NR2C1: variants seen among roughly 807,000 people sequenced by gnomAD.
The protein encoded by NR2C1 is TR2 nuclear hormone receptor.
A neutral mutation model predicts 74.8 loss-of-function variants in NR2C1; 33 were observed. That is an observed-to-expected ratio of 0.44 (90% CI 0.33 to 0.59). The LOEUF (loss-of-function observed/expected upper bound fraction) is 0.59. Ranked by LOEUF, NR2C1 falls within the 20% of genes least tolerant of loss-of-function variation. The pLI is 0.02. For missense variants in NR2C1, 568 were observed against 715.6 expected (o/e 0.79, Z 2.35); for synonymous variants, 225 against 240.6 (o/e 0.94, Z 0.60).
At chr12:95,048,090 T>C (rs1872530971) in intron 9 of NR2C1, among the ~76,000 whole-genome samples, 1 of 152,202 alleles carries the variant, frequency 6.6e-6, no homozygotes, top group Non-Finnish European at 1.5e-5. Flanking sequence ...AATTTTATTA[T>C]GTAATTTTAA....
chr12:95,064,024 T>TCA (rs1875229530), intron 2 of NR2C1, among the ~76,000 whole-genome samples: 1 of 34,018 alleles, frequency 2.9e-5, no homozygotes, highest in Non-Finnish European at 6.2e-5. Flanking sequence ...GGACTCTGCC[T>TCA]CAAAAAAAAA....
At chr12:95,050,071 G>C (rs1015217065) in intron 8 of NR2C1, among the ~76,000 whole-genome samples, 2 of 152,148 alleles carry the variant, frequency 1.3e-5, no homozygotes, top group Admixed American at 6.6e-5. Context: ...AAAGTGCTGA[G>C]ATTACAGGCA....
In NR2C1 at chr12:95,058,386, A is replaced by G. The variant is rs764119426; in HGVS notation, c.468T>C (p.Ile156=). Residue 156 remains isoleucine, a synonymous_variant, in exon 5 of 14, where the codon ATT becomes ATC. Transcript: ENST00000333003. ...AGCGGTTTCGGTGGTGCTTATTAAT[A>G]ATACAATCCTTTGATCCTCGACATG... The part of the protein sequence containing the change: ...VYSCRGSKDC[I]INKHHRNRCQ... 6.2e-7 allele frequency: 1 copy of G among 1,613,858 alleles called. No homozygotes were observed. The highest frequency in any genetic ancestry group is 1.1e-5 in the South Asian group (1 of 91,070).
intron 7 of NR2C1, among the ~76,000 whole-genome samples, chr12:95,055,794 A>C (rs2252556): frequency 0.12 from 17,715 of 151,768 alleles, 1,397 homozygotes; most frequent in Non-Finnish European, 0.18. Context: ...TCTACTAAAA[A>C]TACAAAAAAT....
chr12:95,052,506 G>A (rs143620534), intron 7 of NR2C1, among the ~76,000 whole-genome samples: 1 of 152,198 alleles, frequency 6.6e-6, no homozygotes, highest in Non-Finnish European at 1.5e-5. Flanking sequence ...ACCCAGACTG[G>A]AGTACAGTGG....
Position 95,064,025 on chromosome 12 carries a change from CAAAAAAAAAAAA to C in NR2C1, c.55-1299_55-1288del, listed in dbSNP as rs36124945. On this transcript the variant is annotated intron_variant, in intron 2 of 13. Coordinates refer to ENST00000333003, the MANE Select transcript of NR2C1 (RefSeq NM_003297.4). The stretch of plus-strand genomic sequence containing the variant: ...GCCTGGGCGACAGAGGACTCTGCCT[CAAAAAAAAAAAA>C]AAAAAAAAGGGGATGGACACAGTGG... Among the ~76,000 whole-genome samples the C allele has an allele frequency of 1.6e-3, 113 of 69,492 alleles. 1 individual carries two copies. The highest frequency in any genetic ancestry group is 6.7e-3 in the African/African-American group (109 of 16,228). The allele number at this position is 69,492 out of a possible 152,430, so 45.6% of individuals were successfully genotyped here. A position where few individuals can be genotyped will look rare whatever the true frequency, so the allele number is the denominator to read the frequency against.
chr12:95,045,325 C>T (rs186191458), intron 9 of NR2C1, among the ~76,000 whole-genome samples: 5 of 152,178 alleles, frequency 3.3e-5, no homozygotes, highest in Admixed American at 1.3e-4. Context: ...TTATAGAGAC[C>T]GGACTTAATT....
At chr12:95,045,104 A>C (rs186371260) in intron 9 of NR2C1, among the ~76,000 whole-genome samples, 25 of 152,224 alleles carry the variant, frequency 1.6e-4, no homozygotes, top group Admixed American at 1.6e-3. Flanking sequence ...TTTGTTAATC[A>C]CTTCGCCTAA....
At position 95,051,828 on chromosome 12, in the gene NR2C1, C is replaced by T; in HGVS notation, c.899G>A (p.Ser300Asn). 6.2e-7 allele frequency: 1 copy of T among 1,610,754 alleles called. No homozygotes were observed. Among genetic ancestry groups the T allele is most frequent in the Non-Finnish European group, 8.5e-7 (1 of 1,179,276 alleles). ...QNSNEMSMIE[S>N]LSNDDTSLCE... ...CAAAGAGGTATCATCATTGCTTAAG[C>T]TTTCAATCATAGACATTTCATTACT... Residue 300 changes from serine to asparagine, a missense_variant, in exon 8 of 14, where the codon AGC becomes AAC. Physicochemically the swap from Ser to Asn is conservative, Grantham distance 46. This residue lies in a region of NR2C1 where 239 missense variants were observed against 232.3 expected (regional missense o/e 1.03). Coordinates refer to ENST00000333003, the MANE Select transcript of NR2C1 (RefSeq NM_003297.4).
intron 3 of NR2C1, among the ~76,000 whole-genome samples, chr12:95,060,526 G>A (rs58419790): frequency 6.6e-6 from 1 of 151,994 alleles, no homozygotes; most frequent in Non-Finnish European, 1.5e-5. Flanking sequence ...GTGGTGGAGA[G>A]TGCCTGTAAT....
intron 10 of NR2C1, among the ~76,000 whole-genome samples, chr12:95,032,153 C>T (rs939491586): frequency 3.3e-5 from 5 of 152,238 alleles, no homozygotes; most frequent in Admixed American, 6.5e-5. Context: ...CAGGCGTGAG[C>T]CACTGCTCCC....
intron 2 of NR2C1, among the ~76,000 whole-genome samples, chr12:95,063,856 CCT>C (rs1301412277): frequency 6.6e-6 from 1 of 151,580 alleles, no homozygotes; most frequent in Non-Finnish European, 1.5e-5. Context: ...ATGACGAAAC[CCT>C]GTCTCTACTA....
At position 95,040,473 on chromosome 12, in the gene NR2C1, C is replaced by T. The variant is rs1871386359; in HGVS notation, c.1253+3G>A. The T allele has an allele frequency of 1.3e-6, 2 of 1,599,296 alleles. No individual in the cohort carries two copies. Among genetic ancestry groups the T allele is most frequent in the African/African-American group, 2.7e-5 (2 of 74,434 alleles). Reference sequence around the variant, plus strand: ...TTTATATTCAAGATTTCAAAACACTCACCCTAGAGCCTGGAAAGAAGGAAT... The same window carrying T: ...TTTATATTCAAGATTTCAAAACACTTACCCTAGAGCCTGGAAAGAAGGAAT... On this transcript the variant is annotated splice_donor_region_variant and intron_variant, in intron 10 of 13. Coordinates refer to ENST00000333003, the MANE Select transcript of NR2C1 (RefSeq NM_003297.4).
chr12:95,040,029 C>A (rs1467416872), intron 10 of NR2C1, among the ~76,000 whole-genome samples: 1 of 151,078 alleles, frequency 6.6e-6, no homozygotes, highest in Admixed American at 6.6e-5. Flanking sequence ...TTTTTTGAAC[C>A]ACATGATTGG....
chr12:95,053,367 T>C (rs1003729948), intron 7 of NR2C1, among the ~76,000 whole-genome samples: 6 of 152,136 alleles, frequency 3.9e-5, no homozygotes, highest in Non-Finnish European at 8.8e-5. Flanking sequence ...CTCAACTCTT[T>C]TGACAACTCA....
At chr12:95,042,007 A>G (rs1490976943) in intron 9 of NR2C1, among the ~76,000 whole-genome samples, 1 of 152,228 alleles carries the variant, frequency 6.6e-6, no homozygotes, top group Non-Finnish European at 1.5e-5. Context: ...AATCTCACAG[A>G]CATCCAAGTG....
At chr12:95,041,600 A>G (rs1871535498) in intron 9 of NR2C1, among the ~76,000 whole-genome samples, 1 of 152,184 alleles carries the variant, frequency 6.6e-6, no homozygotes, top group African/African-American at 2.4e-5. Flanking sequence ...TTGCTGATCT[A>G]GTTCTTTAAA....
At chr12:95,030,346 C>A in intron 11 of NR2C1, 1 of 744,752 alleles carries the variant, frequency 1.3e-6, no homozygotes, top group Non-Finnish European at 1.8e-6. Context: ...ACTACCAAGA[C>A]TACTATAATA....
intron 1 of NR2C1, among the ~76,000 whole-genome samples, chr12:95,070,930 T>C (rs79199688): frequency 0.013 from 1,988 of 152,348 alleles, 44 homozygotes; most frequent in African/African-American, 0.045. Context: ...CCAGGGGCGA[T>C]GGCTCACGCC....
Sources: gnomAD v4.1 joint callset for allele counts (sites outside exome capture counted in the v4.1 genomes callset) on GRCh38, gnomAD v4.1.1 for gene constraint, gnomAD v4.1.1 regional missense constraint, MANE v1.5 for transcripts, NCBI Gene and HGNC (gene_info 2026-07-23, HGNC 2026-07-21) for gene names.